Variants in GCN1 observed in about 807,000 individuals in gnomAD.
The protein encoded by GCN1 is GCN1 activator of EIF2AK4, also known as stalled ribosome sensor GCN1.
In GCN1, 90 loss-of-function variants were observed where a neutral mutation model predicts 288.4. The ratio of observed to expected loss-of-function variants is 0.31; its 90% CI spans 0.26 to 0.37. The LOEUF is 0.37. Among genes scored for constraint, GCN1 ranks in the 10% least tolerant of loss-of-function variants. The pLI, the probability that GCN1 is intolerant of heterozygous loss-of-function variation, is 1.00. For synonymous variants in GCN1, 1,386 were observed against 1,420.2 expected, an observed-to-expected ratio of 0.98 and a Z score of 0.54; for missense variants, 2,586 against 3,419.9, an observed-to-expected ratio of 0.76 and a Z score of 6.08.
At chr12:120,143,040 C>T in intron 42 of GCN1, 99 bp from the exon 43 acceptor site, 1 of 685,432 alleles carries the variant, frequency 1.5e-6, no homozygotes, top group Non-Finnish European at 2.6e-6. Flanking sequence ...ACCCAAAATA[C>T]TCATGACGGT....
At position 120,134,918 on chromosome 12, in the gene GCN1, G is replaced by A. The variant is rs961422193; in HGVS notation, c.7009-192C>T. On this transcript the variant is annotated intron_variant, in intron 51 of 57. Coordinates refer to ENST00000300648, the MANE Select transcript of GCN1 (RefSeq NM_006836.2). The surrounding 1 kb of genome is among the most constrained non-coding windows in gnomAD (Gnocchi z 5.0). ...TCGCTTGGCCTCCTGGTCATATCCA[G>A]CATGCTTTGATACACTGGAGGAGCA... 1.3e-5 allele frequency among the ~76,000 whole-genome samples: 2 copies of A among 152,214 alleles called. No individual in the cohort carries two copies. Among genetic ancestry groups the A allele is most frequent in the Non-Finnish European group, 2.9e-5 (2 of 68,040 alleles).
In GCN1 at chr12:120,194,661, C is replaced by G; in HGVS notation, c.18+19G>C. The G allele has an allele frequency of 6.6e-7, 1 of 1,514,628 alleles. No homozygotes were observed. The highest frequency in any genetic ancestry group is 8.8e-7 in the Non-Finnish European group (1 of 1,137,636). 93.8% of individuals were successfully genotyped at this position (1,514,628 alleles called of 1,614,324 possible). On this transcript the variant is annotated intron_variant, in intron 1 of 57. Coordinates refer to ENST00000300648, the MANE Select transcript of GCN1 (RefSeq NM_006836.2). Reference sequence around the variant, plus strand: ...CACCCAGTCCCTGGCCGCGTTGGCCCCGCAGCCGCCCGCCTCACCTGCGTG... The same window carrying G: ...CACCCAGTCCCTGGCCGCGTTGGCCGCGCAGCCGCCCGCCTCACCTGCGTG...
chr12:120,132,659 G>A lies in GCN1; in HGVS notation c.7318-637C>T, dbSNP rs978893750. Among the ~76,000 whole-genome samples the A allele has an allele frequency of 5.9e-5, 9 of 152,356 alleles. 1 individual carries two copies. The highest frequency in any genetic ancestry group is 1.3e-4 in the Admixed American group (2 of 15,308). ...CTGTTCAAATCAGAGCCAGGTACGC[G>A]AGCGGCTCCGTGCTCCTCCCTGGCC... On this transcript the variant is annotated intron_variant, in intron 53 of 57. Transcript: ENST00000300648.
chr12:120,184,067 C>T, intron 4 of GCN1, 45 bp downstream of exon 4: 1 of 1,553,584 alleles, frequency 6.4e-7, no homozygotes, highest in South Asian at 1.2e-5. Context: ...TTCTCCTGAG[C>T]AGGACTGTAC....
chr12:120,192,571 C>CA lies in GCN1; in HGVS notation c.18+2108dup, dbSNP rs914193048. 1.1e-3 allele frequency among the ~76,000 whole-genome samples: 158 copies of CA among 143,322 alleles called. 3 individuals carry two copies. The highest frequency in any genetic ancestry group is 3.6e-3 in the Middle Eastern group (1 of 278). The allele number at this position is 143,322 out of a possible 152,430, so 94.0% of individuals were successfully genotyped here. A position where few individuals can be genotyped will look rare whatever the true frequency, so the allele number is the denominator to read the frequency against. ...TGAAACCGCGTCTCTACTAAAAATA[C>CA]AAAAAAAAAAATTAGCTGGGCGTGG... On this transcript the variant is annotated intron_variant, in intron 1 of 57. Transcript: ENST00000300648.
chr12:120,137,707 C>T lies in GCN1; in HGVS notation c.6501G>A (p.Met2167Ile). 1.2e-6 allele frequency: 2 copies of T among 1,614,178 alleles called. No individual in the cohort carries two copies. Among genetic ancestry groups the T allele is most frequent in the Non-Finnish European group, 1.7e-6 (2 of 1,180,014 alleles). The change falls in exon 49 of 58, where the codon ATG (methionine) becomes ATA (isoleucine). Residue 2167 changes from methionine to isoleucine, a missense_variant. Met to Ile is a conservative substitution (Grantham distance 10). Transcript: ENST00000300648. The surrounding 1 kb of genome is among the most constrained non-coding windows in gnomAD (Gnocchi z 5.2). ...LEATRSPEVG[M>I]RQAAAIILNI... Reference sequence around the variant, plus strand: ...TGAGGATGATGGCAGCAGCTTGCCTCATGCCCACCTCAGGGCTGCGGGTGG... The same window carrying T: ...TGAGGATGATGGCAGCAGCTTGCCTTATGCCCACCTCAGGGCTGCGGGTGG...
Position 120,127,547 on chromosome 12 carries a change from C to T in GCN1, c.*302G>A. On this transcript the variant is annotated 3_prime_UTR_variant, in exon 58 of 58. Coordinates refer to ENST00000300648, the MANE Select transcript of GCN1 (RefSeq NM_006836.2). ...AGGAGAAGAGGAACCCACAGTCTGA[C>T]CCTGCTATTATAGTTCCAGACCTAG... 3.5e-6 allele frequency: 1 copy of T among 288,152 alleles called. No individual in the cohort carries two copies. Among genetic ancestry groups the T allele is most frequent in the South Asian group, 4.3e-5 (1 of 23,270 alleles). 17.8% of individuals were successfully genotyped at this position (288,152 alleles called of 1,614,324 possible).
At chr12:120,169,999 C>T (rs1878267996) in intron 15 of GCN1, among the ~76,000 whole-genome samples, 170 bp downstream of exon 15, 1 of 152,226 alleles carries the variant, frequency 6.6e-6, no homozygotes, top group Non-Finnish European at 1.5e-5. Context: ...CCCCTGACTG[C>T]ATTCCCACTG....
In GCN1 at chr12:120,127,521, C is replaced by A. The variant is rs907659679; in HGVS notation, c.*328G>T. ...CAGCTCTCAAACCAGAGCTCAAGCA[C>A]AGGAGAAGAGGAACCCACAGTCTGA... On this transcript the variant is annotated 3_prime_UTR_variant, in exon 58 of 58. Coordinates refer to ENST00000300648, the MANE Select transcript of GCN1 (RefSeq NM_006836.2). The A allele has an allele frequency of 8.1e-6, 2 of 246,662 alleles. No homozygotes were observed. Among genetic ancestry groups the A allele is most frequent in the African/African-American group, 2.2e-5 (1 of 44,936 alleles). 15.3% of individuals were successfully genotyped at this position (246,662 alleles called of 1,614,324 possible).
chr12:120,142,814 C>T lies in GCN1; in HGVS notation c.5613+10G>A, dbSNP rs777755655. 1 of 1,606,396 alleles carries T rather than the reference C, an allele frequency of 6.2e-7. No homozygotes were observed. On this transcript the variant is annotated intron_variant, in intron 43 of 57. Coordinates refer to ENST00000300648, the MANE Select transcript of GCN1 (RefSeq NM_006836.2). The surrounding 1 kb of genome is among the most constrained non-coding windows in gnomAD (Gnocchi z 4.9). ...ACCATCAGCAGGGGCAGGAAAGCCA[C>T]TGCAGGCACCTTGTTGGACTGGGCA...
intron 5 of GCN1, 70 bp downstream of exon 5, chr12:120,183,499 G>A (rs1295979423): frequency 2.1e-6 from 2 of 957,706 alleles, no homozygotes; most frequent in African/African-American, 3.2e-5. Flanking sequence ...GCACCAAGAA[G>A]GTGCTGAAAC....
chr12:120,146,194 G>C (rs1487005292), intron 38 of GCN1, among the ~76,000 whole-genome samples: 1 of 150,494 alleles, frequency 6.6e-6, no homozygotes, highest in African/African-American at 2.5e-5. Flanking sequence ...TTGAACCCAG[G>C]CGGCAGAGGT....
At chr12:120,188,378 G>A (rs1878888282) in intron 2 of GCN1, among the ~76,000 whole-genome samples, 1 of 148,688 alleles carries the variant, frequency 6.7e-6, no homozygotes, top group South Asian at 2.2e-4. Flanking sequence ...AGGTTGCAGT[G>A]AGCAGAGGTC....
Position 120,150,052 on chromosome 12 carries a change from AAAG to A in GCN1, c.4310-12_4310-10del. ...GAAGGCAAAGAGGGCTCCTAGGGGA[AAAG>A]AAGGTGGGACGGCTGGGAAGAGAAT... On this transcript the variant is annotated splice_polypyrimidine_tract_variant and intron_variant, in intron 34 of 57. Transcript: ENST00000300648. The A allele has an allele frequency of 6.2e-7, 1 of 1,613,666 alleles. No homozygotes were observed. Among genetic ancestry groups the A allele is most frequent in the Non-Finnish European group, 8.5e-7 (1 of 1,179,898 alleles).
At chr12:120,147,745 G>A (rs954329661) in intron 37 of GCN1, among the ~76,000 whole-genome samples, 1 of 152,200 alleles carries the variant, frequency 6.6e-6, no homozygotes, top group South Asian at 2.1e-4. Flanking sequence ...CAAGTGACAT[G>A]CTGGTCAAGG....
chr12:120,181,147 G>A (rs900417842), intron 5 of GCN1, among the ~76,000 whole-genome samples: 6 of 152,020 alleles, frequency 3.9e-5, no homozygotes, highest in African/African-American at 1.4e-4. Flanking sequence ...AGCAACAGAG[G>A]ACTCCCTATA....
intron 31 of GCN1, among the ~76,000 whole-genome samples, chr12:120,154,199 C>A (rs1054425455): frequency 5.3e-5 from 8 of 152,352 alleles, no homozygotes; most frequent in Admixed American, 1.3e-4. Flanking sequence ...CCTCTACCTG[C>A]AAAGCAGGTT....
At chr12:120,129,823 C>T (rs1298688485) in intron 56 of GCN1, among the ~76,000 whole-genome samples, 2 of 152,328 alleles carry the variant, frequency 1.3e-5, no homozygotes, top group African/African-American at 4.8e-5. Context: ...CAGGTCTCAG[C>T]TCCCATGTCA....
At chr12:120,146,100 C>G (rs1877352049) in intron 38 of GCN1, among the ~76,000 whole-genome samples, 1 of 151,884 alleles carries the variant, frequency 6.6e-6, no homozygotes, top group South Asian at 2.1e-4. Flanking sequence ...CACCCTGTCT[C>G]TACTAAAAAT....
Sources: gnomAD v4.1 joint callset for allele counts (sites outside exome capture counted in the v4.1 genomes callset) on GRCh38, gnomAD v4.1.1 for gene constraint, Gnocchi (gnomAD v3.1) non-coding constraint, MANE v1.5 for transcripts, NCBI Gene and HGNC (gene_info 2026-07-23, HGNC 2026-07-21) for gene names.